PDS5B: variants seen among roughly 807,000 people sequenced by gnomAD.
PDS5B encodes the protein PDS5 cohesin associated factor B.
A neutral mutation model predicts 184.1 loss-of-function variants in PDS5B; 51 were observed. The ratio of observed to expected loss-of-function variants is 0.28; its 90% CI spans 0.22 to 0.35. The LOEUF (loss-of-function observed/expected upper bound fraction) is 0.35, where lower values mean the gene tolerates loss of function less well. Among genes scored for constraint, PDS5B ranks in the 10% least tolerant of loss-of-function variants. The probability of loss-of-function intolerance (pLI) is 1.00; values close to 1 mark genes in which losing one functional copy is unlikely to be tolerated. For synonymous variants in PDS5B, 566 were observed against 569.2 expected (o/e 0.99, Z 0.08); for missense variants, 1,180 against 1,723.3 (o/e 0.68, Z 5.58).
chr13:32,702,697 G>T (rs1305199985), intron 17 of PDS5B, among the ~76,000 whole-genome samples: 1 of 152,144 alleles, frequency 6.6e-6, no homozygotes, highest in Non-Finnish European at 1.5e-5. Context: ...AAAGAAAAGG[G>T]ATATTTAGAA....
intron 19 of PDS5B, among the ~76,000 whole-genome samples, chr13:32,714,739 G>A (rs4057295): frequency 0.38 from 58,216 of 152,026 alleles, 11,618 homozygotes; most frequent in Non-Finnish European, 0.44. Flanking sequence ...TTCCCTGAAC[G>A]ATTGTTGTTA....
rs572786210 is a variant in PDS5B at position 32,751,465 on chromosome 13, C to T, written c.2737-1867C>T. On this transcript the variant is annotated intron_variant, in intron 24 of 34. Coordinates refer to ENST00000315596, the MANE Select transcript of PDS5B (RefSeq NM_015032.4). ...TTTCCGCAATGGCTAAACTAATTTA[C>T]ATTCTCACCAGCATTGTATTAGTGC... 7.9e-5 allele frequency among the ~76,000 whole-genome samples: 12 copies of T among 152,322 alleles called. No homozygotes were observed. The East Asian group carries it at 2.1e-3, about 27-fold the overall frequency.
intron 24 of PDS5B, among the ~76,000 whole-genome samples, chr13:32,752,093 A>G (rs1391498003): frequency 1.3e-5 from 2 of 152,140 alleles, no homozygotes; most frequent in Non-Finnish European, 2.9e-5. Context: ...AGGTCTTTGT[A>G]GGTCATATAG....
chr13:32,704,714 C>T (rs1487287279), intron 17 of PDS5B, among the ~76,000 whole-genome samples: 1 of 152,184 alleles, frequency 6.6e-6, no homozygotes, highest in African/African-American at 2.4e-5. Flanking sequence ...TTTCATCCCT[C>T]CTTCCGTAAA....
intron 1 of PDS5B, among the ~76,000 whole-genome samples, chr13:32,599,192 T>C (rs1287005341): frequency 6.6e-6 from 1 of 152,210 alleles, no homozygotes; most frequent in Non-Finnish European, 1.5e-5. Context: ...ACATTCATAT[T>C]GAGTAGGATA....
At chr13:32,603,337 A>G (rs1483523857) in intron 1 of PDS5B, among the ~76,000 whole-genome samples, 1 of 152,180 alleles carries the variant, frequency 6.6e-6, no homozygotes, top group Non-Finnish European at 1.5e-5. Flanking sequence ...TCCCAGTACC[A>G]TTTATTAAAT....
At chr13:32,729,586 C>G (rs600799) in intron 19 of PDS5B, among the ~76,000 whole-genome samples, 34,590 of 152,070 alleles carry the variant, frequency 0.23, 4,260 homozygotes, top group South Asian at 0.38. Flanking sequence ...GTTCCTATTT[C>G]TCCACATCCT....
rs192648542 is a variant in PDS5B at position 32,632,547 on chromosome 13, A to C, written c.-19-16207A>C. On this transcript the variant is annotated intron_variant, in intron 1 of 34. Coordinates refer to ENST00000315596, the MANE Select transcript of PDS5B (RefSeq NM_015032.4). ...AGGATGTGGAAAAATTGGAGCCCTC[A>C]TTTGCTGATGTAGCTAGCTGCTGCT... Among the ~76,000 whole-genome samples the C allele has an allele frequency of 1.3e-3, 202 of 152,326 alleles. 1 individual carries two copies. Among genetic ancestry groups the C allele is most frequent in the Non-Finnish European group, 2.4e-3 (163 of 68,026 alleles).
At chr13:32,765,497 A>G (rs1313388371) in intron 31 of PDS5B, among the ~76,000 whole-genome samples, 1 of 152,272 alleles carries the variant, frequency 6.6e-6, no homozygotes, top group African/African-American at 2.4e-5. Flanking sequence ...CCCATCTTCC[A>G]CGAGTCCAGC....
intron 7 of PDS5B, among the ~76,000 whole-genome samples, chr13:32,671,597 T>C (rs986517752): frequency 5.9e-5 from 9 of 152,170 alleles, no homozygotes; most frequent in African/African-American, 2.2e-4. Context: ...ACAAGTTCTT[T>C]TTAAAACCAA....
chr13:32,759,768 T>C (rs1039819562), intron 29 of PDS5B, 78 bp downstream of exon 29: 1 of 662,858 alleles, frequency 1.5e-6, no homozygotes, highest in Non-Finnish European at 2.6e-6. Context: ...TGTTATTTTG[T>C]ATTTCTTCAA....
At chr13:32,711,341 T>C (rs1157909298) in intron 19 of PDS5B, among the ~76,000 whole-genome samples, 1 of 151,950 alleles carries the variant, frequency 6.6e-6, no homozygotes, top group Non-Finnish European at 1.5e-5. Context: ...TAACAGTCTC[T>C]CTGGCAAGAG....
Position 32,758,083 on chromosome 13 carries a change from TTAG to T in PDS5B, c.3057-3_3057-1del. 1 of 1,322,826 alleles carries T rather than the reference TTAG, an allele frequency of 7.6e-7. No individual in the cohort carries two copies. Among genetic ancestry groups the T allele is most frequent in the Non-Finnish European group, 1.0e-6 (1 of 986,354 alleles). The allele number at this position is 1,322,826 out of a possible 1,614,324, so 81.9% of individuals were successfully genotyped here. ...ATTTCTTTTTTCCTTTTTTTTTTTT[TTAG>T]ATGTCTTTGGTTTGTTCTGGAAATA... On this transcript the variant is annotated splice_acceptor_variant and splice_polypyrimidine_tract_variant and intron_variant, in intron 26 of 34. Transcript: ENST00000315596. LOFTEE classifies it high-confidence loss of function.
At chr13:32,677,314 A>G (rs117656240) in intron 9 of PDS5B, among the ~76,000 whole-genome samples, 2,927 of 152,118 alleles carry the variant, frequency 0.019, 37 homozygotes, top group Non-Finnish European at 0.033. Context: ...CTTTTACTGT[A>G]TATATATTTA....
At chr13:32,601,093 A>T (rs1403137603) in intron 1 of PDS5B, among the ~76,000 whole-genome samples, 1 of 152,172 alleles carries the variant, frequency 6.6e-6, no homozygotes, top group Admixed American at 6.5e-5. Context: ...TGTCCTCAGG[A>T]GTAATGCTGT....
At chr13:32,724,333 G>T (rs775713976) in intron 19 of PDS5B, among the ~76,000 whole-genome samples, 5 of 151,884 alleles carry the variant, frequency 3.3e-5, no homozygotes, top group Non-Finnish European at 7.4e-5. Flanking sequence ...GCCCAGACTG[G>T]TCTCAAATTC....
chr13:32,693,844 A>G (rs1593443365), intron 13 of PDS5B, among the ~76,000 whole-genome samples: 1 of 151,696 alleles, frequency 6.6e-6, no homozygotes, highest in South Asian at 2.1e-4. Flanking sequence ...CAGACTGTTT[A>G]CAATTTAAAT....
At chr13:32,606,058 C>T (rs1046869368) in intron 1 of PDS5B, among the ~76,000 whole-genome samples, 2 of 152,102 alleles carry the variant, frequency 1.3e-5, no homozygotes, top group African/African-American at 4.8e-5. Context: ...GAGCATTTAG[C>T]CCATTTACAT....
intron 7 of PDS5B, among the ~76,000 whole-genome samples, chr13:32,670,418 G>A (rs1950905335): frequency 6.6e-6 from 1 of 152,110 alleles, no homozygotes; most frequent in Non-Finnish European, 1.5e-5. Context: ...TGTAGAGACA[G>A]GGTTTCACCA....
Sources: allele counts gnomAD v4.1 joint callset (sites outside exome capture counted in the v4.1 genomes callset), GRCh38; gene constraint gnomAD v4.1.1; transcripts MANE v1.5; gene names NCBI Gene and HGNC (gene_info 2026-07-23, HGNC 2026-07-21).